The following CSMD1 variants were observed in gnomAD, a reference collection of about 807,000 sequenced individuals.
CSMD1 encodes the protein CUB and sushi domain-containing protein 1.
A neutral mutation model predicts 417.5 loss-of-function variants in CSMD1; 213 were observed. The observed-to-expected ratio is 0.51, with a 90% CI of 0.46 to 0.57. The LOEUF is 0.57. CSMD1 is among the 20% of genes least tolerant of loss of function. The probability of loss-of-function intolerance (pLI) is 0.00; values close to 1 mark genes in which losing one functional copy is unlikely to be tolerated. For missense variants in CSMD1, 6,923 were observed against 4,529.7 expected (o/e 1.53, Z -15.17); for synonymous variants, 2,862 against 1,736.8 (o/e 1.65, Z -16.11).
At chr8:4,800,311 A>G (rs1274158445) in intron 1 of CSMD1, among the ~76,000 whole-genome samples, 1 of 151,824 alleles carries the variant, frequency 6.6e-6, no homozygotes, top group Non-Finnish European at 1.5e-5. Context: ...CACACATGTA[A>G]TCCCACCTAC....
intron 1 of CSMD1, 126 bp downstream of exon 1, chr8:4,994,206 G>C (rs1811634189): frequency 6.3e-6 from 5 of 792,304 alleles, no homozygotes; most frequent in Non-Finnish European, 1.0e-5. Flanking sequence ...GAGCTTCGGC[G>C]ATGGAGCAGC....
chr8:4,619,234 G>C (rs897906183), intron 2 of CSMD1, among the ~76,000 whole-genome samples: 3 of 152,044 alleles, frequency 2.0e-5, no homozygotes, highest in African/African-American at 7.2e-5. Flanking sequence ...AATAGTTTTT[G>C]AAAGACTAAT....
At chr8:4,329,763 G>A (rs1270555640) in intron 3 of CSMD1, among the ~76,000 whole-genome samples, 2 of 151,938 alleles carry the variant, frequency 1.3e-5, no homozygotes, top group Non-Finnish European at 2.9e-5. Context: ...GAATGGCTTG[G>A]GCCATCCCCT....
intron 12 of CSMD1, among the ~76,000 whole-genome samples, chr8:3,458,957 C>T (rs1176678036): frequency 6.6e-6 from 1 of 152,144 alleles, no homozygotes; most frequent in East Asian, 1.9e-4. Flanking sequence ...AGTGAGCTGT[C>T]CAGGAGAGAG....
chr8:4,851,193 A>C (rs71523649), intron 1 of CSMD1, among the ~76,000 whole-genome samples: 1 of 147,636 alleles, frequency 6.8e-6, no homozygotes, highest in Non-Finnish European at 1.5e-5. Context: ...GAAAATATGC[A>C]GTGTTTGGAT....
intron 50 of CSMD1, among the ~76,000 whole-genome samples, chr8:3,045,256 G>A (rs546503553): frequency 1.3e-5 from 2 of 152,238 alleles, no homozygotes; most frequent in Non-Finnish European, 2.9e-5. Flanking sequence ...TACTCACGAT[G>A]CAAATTGACT....
At chr8:3,472,567 A>G (rs1249950491) in intron 11 of CSMD1, among the ~76,000 whole-genome samples, 1 of 151,002 alleles carries the variant, frequency 6.6e-6, no homozygotes, top group African/African-American at 2.4e-5. Flanking sequence ...GATGATGAAG[A>G]ACTTGCTGAT....
chr8:3,068,095 C>T (rs1003655571), intron 49 of CSMD1, among the ~76,000 whole-genome samples: 2 of 152,152 alleles, frequency 1.3e-5, no homozygotes, highest in African/African-American at 4.8e-5. Flanking sequence ...GCATGTGTCA[C>T]TAATGCCTCA....
At chr8:4,337,609 A>G (rs941359831) in intron 3 of CSMD1, among the ~76,000 whole-genome samples, 1 of 152,146 alleles carries the variant, frequency 6.6e-6, no homozygotes, top group African/African-American at 2.4e-5. Context: ...TGGACAGTAA[A>G]TATTTTAGAC....
intron 2 of CSMD1, among the ~76,000 whole-genome samples, chr8:4,597,719 C>T (rs1247369175): frequency 6.6e-6 from 1 of 152,078 alleles, no homozygotes; most frequent in Admixed American, 6.6e-5. Flanking sequence ...TGTTATATCA[C>T]ATGAAAAACT....
intron 2 of CSMD1, among the ~76,000 whole-genome samples, chr8:4,528,545 G>C (rs1234805126): frequency 6.6e-6 from 1 of 152,156 alleles, no homozygotes; most frequent in Non-Finnish European, 1.5e-5. Context: ...ACTTACATTT[G>C]CTAAAAGGGT....
chr8:4,739,279 G>C (rs1457186), intron 1 of CSMD1, among the ~76,000 whole-genome samples: 2 of 151,986 alleles, frequency 1.3e-5, no homozygotes, highest in African/African-American at 4.8e-5. Context: ...AATTTCACTT[G>C]GAACTCCTAC....
chr8:3,536,647 T>A (rs1185840437), intron 10 of CSMD1, among the ~76,000 whole-genome samples: 1 of 152,148 alleles, frequency 6.6e-6, no homozygotes, highest in Non-Finnish European at 1.5e-5. Context: ...GTCACTACCA[T>A]CTAGTGGCAG....
At chr8:4,318,328 G>A (rs1016001098) in intron 3 of CSMD1, among the ~76,000 whole-genome samples, 1 of 151,932 alleles carries the variant, frequency 6.6e-6, no homozygotes, top group Non-Finnish European at 1.5e-5. Flanking sequence ...TTTACCATTA[G>A]GTCATCCATC....
chr8:4,570,793 G>C (rs539365797), intron 2 of CSMD1, among the ~76,000 whole-genome samples: 1 of 152,078 alleles, frequency 6.6e-6, no homozygotes, highest in Admixed American at 6.6e-5. Context: ...TGTTTGGTAG[G>C]CTATTAATCA....
chr8:3,003,815 G>T (rs1010865889), intron 52 of CSMD1, among the ~76,000 whole-genome samples: 1 of 152,156 alleles, frequency 6.6e-6, no homozygotes. Flanking sequence ...ATGAGCGCTT[G>T]TTAGCCAGGA....
At chr8:4,460,759 G>A (rs1165787364) in intron 2 of CSMD1, among the ~76,000 whole-genome samples, 1 of 152,006 alleles carries the variant, frequency 6.6e-6, no homozygotes. Context: ...CATCAGAATA[G>A]ACCTCAAGTA....
chr8:3,631,660 A>C (rs1428033739), intron 7 of CSMD1, among the ~76,000 whole-genome samples: 1 of 152,242 alleles, frequency 6.6e-6, no homozygotes, highest in East Asian at 1.9e-4. Flanking sequence ...AGTCCAGCTC[A>C]GGTGGAATAA....
chr8:3,625,064 C>T (rs982076641), intron 7 of CSMD1, among the ~76,000 whole-genome samples: 17 of 125,332 alleles, frequency 1.4e-4, no homozygotes, highest in Non-Finnish European at 1.1e-4. Flanking sequence ...TTTCTACATG[C>T]ATAACAGTTT....
Sources: allele counts gnomAD v4.1 joint callset (sites outside exome capture counted in the v4.1 genomes callset), GRCh38; gene constraint gnomAD v4.1.1; transcripts MANE v1.5; gene names NCBI Gene and HGNC (gene_info 2026-07-23, HGNC 2026-07-21).